Variants in PPIP5K2 observed in about 807,000 individuals in gnomAD.
The protein encoded by PPIP5K2 is diphosphoinositol pentakisphosphate kinase 2, also known as inositol hexakisphosphate and diphosphoinositol-pentakisphosphate kinase 2.
Under a neutral mutation model 154.6 loss-of-function variants are expected in PPIP5K2, and 105 were observed. That is an observed-to-expected ratio of 0.68 (90% confidence interval 0.58 to 0.80). The LOEUF is 0.80. Ranked by LOEUF, PPIP5K2 falls within the 30% of genes least tolerant of loss-of-function variation. The pLI, the probability that PPIP5K2 is intolerant of heterozygous loss-of-function variation, is 0.00. For synonymous variants in PPIP5K2, 480 were observed against 490.3 expected (o/e 0.98, Z 0.28); for missense variants, 992 against 1,504.6 (o/e 0.66, Z 5.64).
intron 19 of PPIP5K2, among the ~76,000 whole-genome samples, chr5:103,172,542 G>A (rs1476441822): frequency 4.6e-5 from 7 of 150,850 alleles, no homozygotes; most frequent in Non-Finnish European, 1.0e-4. Context: ...CTACTGCTTT[G>A]AACTATAATT....
chr5:103,134,748 A>C (rs1244468800), intron 3 of PPIP5K2, among the ~76,000 whole-genome samples: 1 of 152,188 alleles, frequency 6.6e-6, no homozygotes, highest in Admixed American at 6.5e-5. Flanking sequence ...AACAAAAACA[A>C]AAGCAGGAAA....
rs781892075 is a variant in PPIP5K2 at position 103,159,296 on chromosome 5, G to C, written c.1888G>C (p.Asp630His). 19 of 1,610,970 alleles carry C rather than the reference G, an allele frequency of 1.2e-5. No homozygotes were observed. The African/African-American group carries it at 2.5e-4, about 22-fold the overall frequency. Residue 630 changes from aspartate (D) to histidine (H), a missense_variant, in exon 17 of 31, where the codon GAC becomes CAC. Transcript: ENST00000358359. The part of the protein sequence containing the change: ...KARLHEILQK[D>H]RDFTAEDYEK... ...AAGGCTTCATGAAATACTTCAGAAAGACAGAGATTTTACTGCTGAAGATTA... is the reference window on the plus strand; with the variant it reads ...AAGGCTTCATGAAATACTTCAGAAACACAGAGATTTTACTGCTGAAGATTA...
rs1803672509 is a variant in PPIP5K2, at chr5:103,209,214, T to C, written c.*7580T>C. 1 of 152,148 alleles carries C rather than the reference T, an allele frequency of 6.6e-6. No homozygotes were observed. Among genetic ancestry groups the C allele is most frequent in the African/African-American group, 2.4e-5 (1 of 41,442 alleles). The allele number at this position is 152,148 out of a possible 1,614,324, so 9.4% of individuals were successfully genotyped here. A position where few individuals can be genotyped will look rare whatever the true frequency, so the allele number is the denominator to read the frequency against. On this transcript the variant is annotated 3_prime_UTR_variant, in exon 31 of 31. Transcript: ENST00000358359. ...GTCAACCAGGCCTCTTCAGCATTTT[T>C]ATAGTCAAAGATGTACAAGATAGCT... is the stretch of plus-strand genomic sequence containing the variant.
rs541941102 is a variant in PPIP5K2, at chr5:103,129,602, C to G, written c.13C>G (p.Pro5Ala). The G allele has an allele frequency of 6.3e-7, 1 of 1,595,584 alleles. No homozygotes were observed. The highest frequency in any genetic ancestry group is 1.8e-5 in the Admixed American group (1 of 55,396). ...AAATAAAATAAAAATGAGTGAAGCC[C>G]CCAGATTCTTCGTTGGACCAGAAGA... MSEA[P>A]RFFVGPEDTE... The change falls in exon 2 of 31, where the codon CCC (proline) becomes GCC (alanine). Residue 5 changes from proline (P) to alanine (A), a missense_variant. Physicochemically the swap from Pro to Ala is conservative, Grantham distance 27. Transcript: ENST00000358359.
chr5:103,180,442 TTGAAAAA>T (rs782168570), intron 24 of PPIP5K2, among the ~76,000 whole-genome samples: 1 of 152,162 alleles, frequency 6.6e-6, no homozygotes, highest in Non-Finnish European at 1.5e-5. Context: ...TTCTAGGAAC[TTGAAAAA>T]TGAATGCTTT....
At chr5:103,121,039 G>GTGA (rs782557949) in intron 1 of PPIP5K2, among the ~76,000 whole-genome samples, 1 of 152,118 alleles carries the variant, frequency 6.6e-6, no homozygotes, top group East Asian at 1.9e-4. Context: ...AGGGGCCAGG[G>GTGA]TGATGATCCC....
At chr5:103,122,196 G>A (rs906767152) in intron 1 of PPIP5K2, among the ~76,000 whole-genome samples, 2 of 152,084 alleles carry the variant, frequency 1.3e-5, no homozygotes, top group Admixed American at 6.5e-5. Flanking sequence ...CAACTTTTCC[G>A]AATATTTGAA....
At chr5:103,151,654 T>G (rs1794666784) in intron 9 of PPIP5K2, among the ~76,000 whole-genome samples, 1 of 151,354 alleles carries the variant, frequency 6.6e-6, no homozygotes, top group Non-Finnish European at 1.5e-5. Flanking sequence ...TTAGAATACT[T>G]TATTCCTCAA....
chr5:103,137,891 C>T (rs1368462107), intron 4 of PPIP5K2, among the ~76,000 whole-genome samples: 10 of 150,266 alleles, frequency 6.7e-5, no homozygotes, highest in African/African-American at 2.5e-4. Context: ...AAAGTAAAAG[C>T]GTACCGAAAG....
intron 9 of PPIP5K2, 38 bp from the exon 10 acceptor site, chr5:103,152,610 A>C: frequency 7.4e-7 from 1 of 1,352,744 alleles, no homozygotes; most frequent in South Asian, 1.2e-5. Context: ...TTGTCTTAAA[A>C]CGTACTAATT....
At chr5:103,159,521 A>C (rs185947801) in intron 17 of PPIP5K2, among the ~76,000 whole-genome samples, 193 bp downstream of exon 17, 2 of 152,004 alleles carry the variant, frequency 1.3e-5, no homozygotes, top group African/African-American at 2.4e-5. Context: ...CCCATTCCCT[A>C]CCTCCTCAAA....
intron 11 of PPIP5K2, among the ~76,000 whole-genome samples, chr5:103,154,408 A>G (rs535182014): frequency 6.6e-6 from 1 of 152,188 alleles, no homozygotes; most frequent in East Asian, 1.9e-4. Context: ...ATTATGAACT[A>G]TAATTGTATG....
rs146693090 is a variant in PPIP5K2, at chr5:103,198,968, C to G, written c.3620-2554C>G. 8.2e-3 allele frequency among the ~76,000 whole-genome samples: 1,231 copies of G among 150,610 alleles called. 7 individuals are homozygous for G. Among genetic ancestry groups the G allele is most frequent in the Non-Finnish European group, 0.013 (856 of 67,678 alleles). The stretch of plus-strand genomic sequence containing the variant: ...TCTTTTTGCATTTTTTTTTGTTGCT[C>G]TAAATATATATTCCTAATTTTTCAC... On this transcript the variant is annotated intron_variant, in intron 30 of 30. Coordinates refer to ENST00000358359, the MANE Select transcript of PPIP5K2 (RefSeq NM_001276277.3).
chr5:103,154,258 A>G (rs1474982734), intron 11 of PPIP5K2, among the ~76,000 whole-genome samples: 3 of 151,972 alleles, frequency 2.0e-5, no homozygotes, highest in African/African-American at 7.2e-5. Context: ...TTAGAAGAAA[A>G]TTAGTAGAAT....
intron 1 of PPIP5K2, among the ~76,000 whole-genome samples, chr5:103,126,544 A>G (rs373012160): frequency 6.6e-6 from 1 of 152,164 alleles, no homozygotes; most frequent in Admixed American, 6.5e-5. Context: ...ATAGCTACAA[A>G]TGGGAGTTTA....
chr5:103,132,133 A>G (rs1229067850), intron 2 of PPIP5K2, among the ~76,000 whole-genome samples: 2 of 152,204 alleles, frequency 1.3e-5, no homozygotes, highest in Non-Finnish European at 2.9e-5. Flanking sequence ...AGAAGATTCC[A>G]GGAGAGTTAG....
rs757977711 is a variant in PPIP5K2, at chr5:103,200,900, A to G, written c.3620-622A>G. Among the ~76,000 whole-genome samples, 4 of 152,210 alleles carry G rather than the reference A, an allele frequency of 2.6e-5. No homozygotes were observed. The East Asian group carries it at 7.7e-4, about 29-fold the overall frequency. ...CGATCCTCCCACGTTGGCCCTCCAA[A>G]GTGTTGGGATTACAGGCATGAATCA... On this transcript the variant is annotated intron_variant, in intron 30 of 30. Coordinates refer to ENST00000358359, the MANE Select transcript of PPIP5K2 (RefSeq NM_001276277.3).
chr5:103,128,469 C>T (rs1182180675), intron 1 of PPIP5K2, among the ~76,000 whole-genome samples: 2 of 151,942 alleles, frequency 1.3e-5, no homozygotes, highest in East Asian at 1.9e-4. Context: ...TGTAGAGGCA[C>T]AGTCATAGCT....
intron 30 of PPIP5K2, among the ~76,000 whole-genome samples, chr5:103,200,135 G>C (rs1554229779): frequency 6.6e-6 from 1 of 152,124 alleles, no homozygotes; most frequent in Non-Finnish European, 1.5e-5. Context: ...TGTAAAATAT[G>C]GTGTTCCGTG....
Sources: allele counts gnomAD v4.1 joint callset (sites outside exome capture counted in the v4.1 genomes callset), GRCh38; gene constraint gnomAD v4.1.1; transcripts MANE v1.5; gene names NCBI Gene and HGNC (gene_info 2026-07-23, HGNC 2026-07-21).